Variants in DPP6 observed in about 807,000 individuals in gnomAD.
DPP6 encodes the protein A-type potassium channel modulatory protein DPP6.
In DPP6, 69 loss-of-function variants were observed where a neutral mutation model predicts 122.6. The ratio of observed to expected loss-of-function variants is 0.56; its 90% CI spans 0.46 to 0.69. The LOEUF is 0.69. Ranked by LOEUF, DPP6 falls within the 30% of genes least tolerant of loss-of-function variation. DPP6 has a pLI of 0.00. For synonymous variants in DPP6, 418 were observed against 433.1 expected (o/e 0.97, Z 0.43); for missense variants, 928 against 1,116.9 (o/e 0.83, Z 2.41).
the DPP6 span, among the ~76,000 whole-genome samples, chr7:153,851,382 A>G: frequency 6.6e-6 from 1 of 152,140 alleles, no homozygotes; most frequent in Non-Finnish European, 1.5e-5. Context: ...CCTGGATGGT[A>G]CCCTGATTAA....
At chr7:154,356,769 C>T (rs1417692273) in intron 1 of DPP6, among the ~76,000 whole-genome samples, 1 of 152,054 alleles carries the variant, frequency 6.6e-6, no homozygotes, top group Non-Finnish European at 1.5e-5. Flanking sequence ...TATGTCACAT[C>T]TTGCTGAAGG....
intron 1 of DPP6, among the ~76,000 whole-genome samples, chr7:154,278,878 TGTGA>T (rs199789952): frequency 0.027 from 3,957 of 148,806 alleles, 194 homozygotes; most frequent in African/African-American, 0.098. Flanking sequence ...TATGAGCATG[TGTGA>T]GTATGTGTGT....
chr7:154,807,181 A>G lies in DPP6; in HGVS notation c.1666+69A>G, dbSNP rs188587806. 3.0e-3 allele frequency: 4,765 copies of G among 1,566,206 alleles called. 8 individuals carry two copies. The highest frequency in any genetic ancestry group is 3.5e-3 in the Non-Finnish European group (4,054 of 1,158,558). The stretch of plus-strand genomic sequence containing the variant: ...ACATTTGCAGGGAGGGGGTGGGCAC[A>G]CTTGCAGGGAGGGGGCAGCGGCTGT... On this transcript the variant is annotated intron_variant, in intron 16 of 25. Transcript: ENST00000377770.
At position 154,038,384 on chromosome 7, in the gene DPP6, T is replaced by A. The variant is rs1472111213; in HGVS notation, c.51+150650T>A. 5.7e-3 allele frequency: 350 copies of A among 61,420 alleles called. 7 individuals carry two copies. The highest frequency in any genetic ancestry group is 0.025 in the African/African-American group (316 of 12,426). The allele number at this position is 61,420 out of a possible 1,614,324, so 3.8% of individuals were successfully genotyped here. On this transcript the variant is annotated intron_variant, in intron 1 of 25. Transcript: ENST00000404039. Reference sequence around the variant, plus strand: ...CACAGCATGGCAGATTTTTCAATTTTAAAAAAAAATCACGTGCTGATTTTA... The same window carrying A: ...CACAGCATGGCAGATTTTTCAATTTAAAAAAAAAATCACGTGCTGATTTTA...
chr7:154,076,778 A>G (rs1803583497), intron 1 of DPP6, among the ~76,000 whole-genome samples: 1 of 152,236 alleles, frequency 6.6e-6, no homozygotes, highest in East Asian at 1.9e-4. Flanking sequence ...CTGGGATCCT[A>G]CCACCTGACA....
chr7:154,206,102 C>T (rs1232707631), intron 1 of DPP6, among the ~76,000 whole-genome samples: 1 of 152,226 alleles, frequency 6.6e-6, no homozygotes, highest in Non-Finnish European at 1.5e-5. Flanking sequence ...GGCAGGATGT[C>T]CCACAACACA....
At chr7:153,894,368 A>G (rs1370834615) in intron 1 of DPP6, among the ~76,000 whole-genome samples, 1 of 152,212 alleles carries the variant, frequency 6.6e-6, no homozygotes, top group African/African-American at 2.4e-5. Context: ...TTTAGAACTC[A>G]AGAGCGTGCC....
chr7:154,437,939 A>C lies in DPP6; in HGVS notation c.244-8275A>C, dbSNP rs558793550. 5.9e-5 allele frequency among the ~76,000 whole-genome samples: 9 copies of C among 151,956 alleles called. No homozygotes were observed. The East Asian group carries it at 1.8e-3, about 30-fold the overall frequency. ...ATGACAGTGAGACTCCATCTGAAAAAATAACATAAAAATAAAATAAAACTA... is the reference window on the plus strand; with the variant it reads ...ATGACAGTGAGACTCCATCTGAAAACATAACATAAAAATAAAATAAAACTA... On this transcript the variant is annotated intron_variant, in intron 1 of 25. Coordinates refer to ENST00000377770, the MANE Select transcript of DPP6 (RefSeq NM_130797.4).
intron 3 of DPP6, among the ~76,000 whole-genome samples, chr7:154,496,001 A>G (rs1406008692): frequency 6.6e-6 from 1 of 152,230 alleles, no homozygotes; most frequent in Non-Finnish European, 1.5e-5. Context: ...CTCCACTGGG[A>G]TTCAACAATA....
chr7:154,109,741 G>A (rs892271554), intron 1 of DPP6, among the ~76,000 whole-genome samples: 12 of 148,718 alleles, frequency 8.1e-5, no homozygotes, highest in African/African-American at 3.0e-4. Flanking sequence ...TTTGTGAGTT[G>A]CATAATAGTC....
At chr7:154,188,678 A>G (rs1273826655) in intron 1 of DPP6, among the ~76,000 whole-genome samples, 5 of 152,166 alleles carry the variant, frequency 3.3e-5, no homozygotes, top group Non-Finnish European at 5.9e-5. Flanking sequence ...TTGAAACACA[A>G]AGGTATCTAA....
intron 1 of DPP6, among the ~76,000 whole-genome samples, chr7:154,005,349 G>A (rs1217510980): frequency 1.3e-5 from 2 of 152,136 alleles, no homozygotes; most frequent in African/African-American, 4.8e-5. Flanking sequence ...GCCGGGGGCT[G>A]AACTTTAGCA....
intron 17 of DPP6, among the ~76,000 whole-genome samples, chr7:154,867,109 C>T (rs974885489): frequency 3.9e-5 from 6 of 151,900 alleles, no homozygotes; most frequent in South Asian, 2.1e-4. Flanking sequence ...AGTGATTTGA[C>T]GAGCCAAAGG....
At chr7:154,512,629 G>A (rs183141943) in intron 3 of DPP6, among the ~76,000 whole-genome samples, 12 of 152,226 alleles carry the variant, frequency 7.9e-5, no homozygotes, top group East Asian at 1.9e-4. Flanking sequence ...TTTTGTGCCC[G>A]ATCAATAGGT....
chr7:153,965,238 T>G (rs1795635686), intron 1 of DPP6, among the ~76,000 whole-genome samples: 1 of 152,224 alleles, frequency 6.6e-6, no homozygotes, highest in South Asian at 2.1e-4. Flanking sequence ...TTTTATTAGT[T>G]CACATTTGAG....
chr7:154,337,514 C>G (rs1212766449), intron 1 of DPP6, among the ~76,000 whole-genome samples: 1 of 152,202 alleles, frequency 6.6e-6, no homozygotes. Context: ...AGATACATCC[C>G]TACCGGACTC....
At chr7:154,653,530 TAAATG>T (rs1837019694) in intron 6 of DPP6, among the ~76,000 whole-genome samples, 1 of 151,984 alleles carries the variant, frequency 6.6e-6, no homozygotes, top group Non-Finnish European at 1.5e-5. Flanking sequence ...GGTAGATAGA[TAAATG>T]ATAGATAGAT....
intron 1 of DPP6, among the ~76,000 whole-genome samples, chr7:153,911,976 A>C (rs79310090): frequency 0.016 from 2,511 of 152,308 alleles, 38 homozygotes; most frequent in Middle Eastern, 0.031. Context: ...CTTATCTGAA[A>C]ACTTCGGGTT....
intron 1 of DPP6, among the ~76,000 whole-genome samples, chr7:154,147,102 A>G (rs1434486953): frequency 2.0e-5 from 3 of 152,118 alleles, no homozygotes; most frequent in African/African-American, 4.8e-5. Context: ...GGAATCCACT[A>G]AAGGCCAGAA....
Sources: allele counts gnomAD v4.1 joint callset (sites outside exome capture counted in the v4.1 genomes callset), GRCh38; gene constraint gnomAD v4.1.1; transcripts MANE v1.5; gene names NCBI Gene and HGNC (gene_info 2026-07-23, HGNC 2026-07-21).